Variants in EFEMP2 observed in about 807,000 individuals in gnomAD.
The protein encoded by EFEMP2 is EGF-like fibulin extracellular matrix protein 2.
EFEMP2 carries 21 observed loss-of-function variants against 55.3 expected under a neutral mutation model. The observed-to-expected ratio is 0.38, with a 90% CI of 0.27 to 0.55. EFEMP2 has a LOEUF of 0.55. Among genes scored for constraint, EFEMP2 ranks in the 20% least tolerant of loss-of-function variants. The probability of loss-of-function intolerance (pLI) is 0.77; values close to 1 mark genes in which losing one functional copy is unlikely to be tolerated. For missense variants in EFEMP2, 513 were observed against 615.1 expected (o/e 0.83, Z 1.76); for synonymous variants, 275 against 242.3 (o/e 1.14, Z -1.25).
chr11:65,872,013 G>A lies in EFEMP2; in HGVS notation c.117C>T (p.Cys39=). 1 of 1,551,656 alleles carries A rather than the reference G, an allele frequency of 6.4e-7. No homozygotes were observed. The highest frequency in any genetic ancestry group is 8.7e-7 in the Non-Finnish European group (1 of 1,146,978). The change falls in exon 3 of 11, where the codon TGC becomes TGT. Residue 39 remains cysteine, a synonymous_variant. Transcript: ENST00000307998. The stretch of plus-strand genomic sequence containing the variant: ...CTGGGTCCCACTCATAGCCATCTGT[G>A]CATTCCTGGAAGGGAACCAGAAGTG... The part of the protein sequence containing the change: ...DSEEPDSYTE[C]TDGYEWDPDS...
intron 3 of EFEMP2, 50 bp downstream of exon 3, chr11:65,871,920 C>G (rs1859970971): frequency 6.5e-7 from 1 of 1,547,884 alleles, no homozygotes; most frequent in South Asian, 1.2e-5. Context: ...AAGCAGCTAT[C>G]AATCCCTTTC....
chr11:65,867,779 A>T, intron 10 of EFEMP2, 82 bp downstream of exon 10: 1 of 1,495,466 alleles, frequency 6.7e-7, no homozygotes, highest in Admixed American at 1.7e-5. Context: ...GGGGCATAGC[A>T]GCCTGGCCGA....
At chr11:65,871,783 G>T in intron 3 of EFEMP2, 187 bp downstream of exon 3, 1 of 709,810 alleles carries the variant, frequency 1.4e-6, no homozygotes, top group Non-Finnish European at 2.4e-6. Flanking sequence ...TTCTGGGAGA[G>T]GATGAGGCCA....
rs1043482 is a variant in EFEMP2 at position 65,866,604 on chromosome 11, C to T, written c.*314G>A. The stretch of plus-strand genomic sequence containing the variant: ...CCCTGCAAGCCAGCCAAGTCCAAAT[C>T]TCTGGGCCGGGGCCTGGAGTCCGCC... On this transcript the variant is annotated 3_prime_UTR_variant, in exon 11 of 11. Transcript: ENST00000307998. 1 of 703,006 alleles carries T rather than the reference C, an allele frequency of 1.4e-6. No individual in the cohort carries two copies. The allele number at this position is 703,006 out of a possible 1,614,324, so 43.5% of individuals were successfully genotyped here. A position where few individuals can be genotyped will look rare whatever the true frequency, so the allele number is the denominator to read the frequency against.
intron 3 of EFEMP2, 97 bp from the exon 4 acceptor site, chr11:65,871,460 G>GC: frequency 8.4e-7 from 1 of 1,188,306 alleles, no homozygotes; most frequent in South Asian, 1.2e-5. Context: ...GAGATGTGTG[G>GC]CCCCAGCAAA....
At chr11:65,867,135 C>T (rs923829893) in intron 10 of EFEMP2, 56 bp from the exon 11 acceptor site, 28 of 1,606,368 alleles carry the variant, frequency 1.7e-5, no homozygotes, top group Non-Finnish European at 2.3e-5. Context: ...GTGCTAGGCC[C>T]CTGCCCCAGC....
chr11:65,872,162 TC>T, intron 2 of EFEMP2, 81 bp downstream of exon 2: 1 of 1,498,278 alleles, frequency 6.7e-7, no homozygotes, highest in South Asian at 1.2e-5. Context: ...GAGGAAGACT[TC>T]CCCGGCAGCA....
In EFEMP2 at chr11:65,867,897, G is replaced by T; in HGVS notation, c.1134C>A (p.Ile378=). The change falls in exon 10 of 11, where the codon ATC becomes ATA. Residue 378 remains isoleucine, a synonymous_variant. Transcript: ENST00000307998. Reference sequence around the variant, plus strand: ...AGTCCCCCTGCGAGTTTCCAGCACGGATCTGAAAGGCATTGTAGGCACCGG... The same window carrying T: ...AGTCCCCCTGCGAGTTTCCAGCACGTATCTGAAAGGCATTGTAGGCACCGG... ...VYPGAYNAFQ[I]RAGNSQGDFY... The T allele has an allele frequency of 6.2e-7, 1 of 1,614,156 alleles. No individual in the cohort carries two copies. The highest frequency in any genetic ancestry group is 1.1e-5 in the South Asian group (1 of 91,088).
rs1435621705 is a variant in EFEMP2, at chr11:65,866,494, G to T, written c.*424C>A. ...AAAACAGGCCCAGGGAACTACTAGG[G>T]CTTATCCAAATGTACAGTTTGAGGC... On this transcript the variant is annotated 3_prime_UTR_variant, in exon 11 of 11. Transcript: ENST00000307998. 13 of 702,596 alleles carry T rather than the reference G, an allele frequency of 1.9e-5. No individual in the cohort carries two copies. Among genetic ancestry groups the T allele is most frequent in the African/African-American group, 8.7e-5 (5 of 57,278 alleles). 43.5% of individuals were successfully genotyped at this position (702,596 alleles called of 1,614,324 possible). A position where few individuals can be genotyped will look rare whatever the true frequency, so the allele number is the denominator to read the frequency against.
At position 65,867,844 on chromosome 11, in the gene EFEMP2, G is replaced by A. The variant is rs200146991; in HGVS notation, c.1170+17C>T. The stretch of plus-strand genomic sequence containing the variant: ...TTTTAGATTGTGCATGTCAGTTGAG[G>A]GTTGCAGAAACCTTACCCTAATGTA... On this transcript the variant is annotated intron_variant, in intron 10 of 10. Transcript: ENST00000307998. The A allele has an allele frequency of 9.1e-5, 147 of 1,613,612 alleles. 1 individual carries two copies. The African/African-American group carries it at 1.7e-3, about 19-fold the overall frequency.
At position 65,867,244 on chromosome 11, in the gene EFEMP2, C is replaced by T. The variant is rs546860906; in HGVS notation, c.1171-165G>A. The T allele has an allele frequency of 5.9e-5, 43 of 733,132 alleles. No individual in the cohort carries two copies. The Admixed American group carries it at 9.7e-4, about 17-fold the overall frequency. The allele number at this position is 733,132 out of a possible 1,614,324, so 45.4% of individuals were successfully genotyped here. A position where few individuals can be genotyped will look rare whatever the true frequency, so the allele number is the denominator to read the frequency against. ...GCTCTTTGACACCCTCGATGTCTCT[C>T]CTCCCCACCCAGGCTCCTGCCCTCA... On this transcript the variant is annotated intron_variant, in intron 10 of 10. Coordinates refer to ENST00000307998, the MANE Select transcript of EFEMP2 (RefSeq NM_016938.5).
chr11:65,868,921 T>C, intron 7 of EFEMP2: 1 of 437,792 alleles, frequency 2.3e-6, no homozygotes, highest in South Asian at 2.1e-5. Flanking sequence ...GGAATCTCAT[T>C]TTCCCAATCA....
intron 10 of EFEMP2, 72 bp from the exon 11 acceptor site, chr11:65,867,151 C>T (rs1462860263): frequency 1.9e-6 from 3 of 1,589,042 alleles, no homozygotes; most frequent in Non-Finnish European, 2.6e-6. Flanking sequence ...CCAGCGTCAC[C>T]TCCCTGCCCC....
intron 7 of EFEMP2, 193 bp from the exon 8 acceptor site, chr11:65,868,822 G>A (rs1859912679): frequency 2.9e-6 from 2 of 682,400 alleles, no homozygotes; most frequent in East Asian, 5.5e-5. Context: ...GCAGCTCACA[G>A]ACTTCTCTCT....
At chr11:65,869,659 C>G in intron 7 of EFEMP2, 198 bp downstream of exon 7, 1 of 744,554 alleles carries the variant, frequency 1.3e-6, no homozygotes, top group Non-Finnish European at 2.3e-6. Flanking sequence ...TCAGTAAGGA[C>G]GTAGCTGCCT....
In EFEMP2 at chr11:65,867,625, A is replaced by AG. The variant is rs35856478; in HGVS notation, c.1170+235_1170+236insC. On this transcript the variant is annotated intron_variant, in intron 10 of 10. Coordinates refer to ENST00000307998, the MANE Select transcript of EFEMP2 (RefSeq NM_016938.5). ...GTTTGTGGGTGAAGAAACTGAGATC[A>AG]ATATGGAAAACCAGTACCAGGACTC... 275,723 of 577,114 alleles carry AG rather than the reference A, an allele frequency of 0.48. 69,235 individuals carry two copies. The highest frequency in any genetic ancestry group is 0.6 in the Middle Eastern group (1,285 of 2,126). The allele number at this position is 577,114 out of a possible 1,614,324, so 35.7% of individuals were successfully genotyped here. A position where few individuals can be genotyped will look rare whatever the true frequency, so the allele number is the denominator to read the frequency against.
In EFEMP2 at chr11:65,872,236, G is replaced by C. The variant is rs944379788; in HGVS notation, c.111+8C>G. ...CTGTCCCAGGCCAGCGGCCCTCACT[G>C]TCCCCACCGTGTAGCTGTCGGGCTC... On this transcript the variant is annotated splice_region_variant and intron_variant, in intron 2 of 10. Coordinates refer to ENST00000307998, the MANE Select transcript of EFEMP2 (RefSeq NM_016938.5). The C allele has an allele frequency of 6.5e-7, 1 of 1,550,282 alleles. No individual in the cohort carries two copies. Among genetic ancestry groups the C allele is most frequent in the East Asian group, 2.4e-5 (1 of 40,910 alleles).
Position 65,870,266 on chromosome 11 carries a change from G to GGAGGGCA in EFEMP2, c.491-36_491-30dup, listed in dbSNP as rs570696654. On this transcript the variant is annotated intron_variant, in intron 5 of 10. Transcript: ENST00000307998. ...GGGATAGAGGCAGGAGAAGGAGGGC[G>GGAGGGCA]GAGGGCAGAGGGCAGAGGGCAGGTG... The GGAGGGCA allele has an allele frequency of 7.5e-5, 120 of 1,594,362 alleles. No individual in the cohort carries two copies. The African/African-American group carries it at 1.1e-3, about 14-fold the overall frequency.
At chr11:65,867,788 G>T (rs1215243523) in intron 10 of EFEMP2, 73 bp downstream of exon 10, 21 of 1,550,728 alleles carry the variant, frequency 1.4e-5, no homozygotes, top group Non-Finnish European at 1.8e-5. Context: ...CAGCCTGGCC[G>T]AGTTCCCCCT....
Sources: gnomAD v4.1 joint callset for allele counts on GRCh38, gnomAD v4.1.1 for gene constraint, MANE v1.5 for transcripts, NCBI Gene and HGNC (gene_info 2026-07-23, HGNC 2026-07-21) for gene names.